LRP1: variants seen among roughly 807,000 people sequenced by gnomAD.
The protein encoded by LRP1 is LDL receptor related protein 1, also known as prolow-density lipoprotein receptor-related protein 1.
LRP1 carries 51 observed loss-of-function variants against 541.5 expected under a neutral mutation model. The observed-to-expected ratio is 0.09, with a 90% confidence interval of 0.08 to 0.12. The LOEUF (loss-of-function observed/expected upper bound fraction) is 0.12. Among genes scored for constraint, LRP1 ranks in the 10% least tolerant of loss-of-function variants. LRP1 has a pLI of 1.00. For synonymous variants in LRP1, 2,219 were observed against 2,470.8 expected (o/e 0.90, Z 3.02); for missense variants, 3,878 against 6,376.2 (o/e 0.61, Z 13.34).
At chr12:57,210,588 C>G (rs1283167126) in intron 82 of LRP1, 108 bp downstream of exon 82, 1 of 1,441,840 alleles carries the variant, frequency 6.9e-7, no homozygotes, top group African/African-American at 1.4e-5. Context: ...CCTCCAGCCT[C>G]CTTTCCACAA....
Position 57,187,271 on chromosome 12 carries a change from G to A in LRP1, c.6846G>A (p.Val2282=). Residue 2282 remains valine, a synonymous_variant, in exon 42 of 89, where the codon GTG becomes GTA. Transcript: ENST00000243077. ...GCTGCTCCTGTCTCTTCACAGACGT[G>A]GGCTCCGTGGAAGGCCTGGCCTATC... is the stretch of plus-strand genomic sequence containing the variant. ...GSRRITIVEN[V]GSVEGLAYHR... The A allele has an allele frequency of 6.2e-7, 1 of 1,612,424 alleles. No homozygotes were observed. Among genetic ancestry groups the A allele is most frequent in the Non-Finnish European group, 8.5e-7 (1 of 1,179,024 alleles).
intron 1 of LRP1, among the ~76,000 whole-genome samples, chr12:57,136,807 G>T (rs531738273): frequency 6.6e-6 from 1 of 152,322 alleles, no homozygotes; most frequent in African/African-American, 2.4e-5. Context: ...CCCTGGCCAA[G>T]TCACCTGGCT....
Position 57,194,909 on chromosome 12 carries a change from C to T in LRP1, c.8192-76C>T, listed in dbSNP as rs1205363137. On this transcript the variant is annotated intron_variant, in intron 50 of 88. Transcript: ENST00000243077. ...GGGTGCTGTGGGCATCTCTCCTGTC[C>T]TTCCCATGGCATCAGCCTCCCCAGG... is the stretch of plus-strand genomic sequence containing the variant. The T allele has an allele frequency of 1.0e-5, 13 of 1,299,528 alleles. No individual in the cohort carries two copies. In the Middle Eastern group the frequency reaches 7.3e-4, roughly 73 times the overall value. 80.5% of individuals were successfully genotyped at this position (1,299,528 alleles called of 1,614,324 possible).
chr12:57,163,002 G>T lies in LRP1; in HGVS notation c.2530+19G>T. 1 of 1,589,718 alleles carries T rather than the reference G, an allele frequency of 6.3e-7. No homozygotes were observed. The highest frequency in any genetic ancestry group is 1.8e-5 in the Admixed American group (1 of 56,924). On this transcript the variant is annotated intron_variant, in intron 15 of 88. Transcript: ENST00000243077. ...TGCTTGGGTATGAGGTGCCTGGCTG[G>T]GTGGGAGTGGGAAGCAGACCCCATC...
intron 6 of LRP1, among the ~76,000 whole-genome samples, chr12:57,152,356 A>C (rs2035542598): frequency 6.6e-6 from 1 of 152,088 alleles, no homozygotes; most frequent in Non-Finnish European, 1.5e-5. Context: ...GATGAAGTTC[A>C]TACACATGCC....
At chr12:57,192,814 C>T (rs763218271) in intron 44 of LRP1, 31 bp from the exon 45 acceptor site, 14 of 1,613,814 alleles carry the variant, frequency 8.7e-6, no homozygotes, top group Non-Finnish European at 1.2e-5. Flanking sequence ...AGAACACTCT[C>T]CAGCCCTGCG....
chr12:57,157,158 T>C (rs2136677323), intron 10 of LRP1, among the ~76,000 whole-genome samples: 1 of 152,366 alleles, frequency 6.6e-6, no homozygotes, highest in African/African-American at 2.4e-5. Context: ...AAGTGTCTAG[T>C]GAGCAGTGAG....
chr12:57,207,646 G>A (rs2036813800), intron 76 of LRP1, among the ~76,000 whole-genome samples: 1 of 152,246 alleles, frequency 6.6e-6, no homozygotes, highest in South Asian at 2.1e-4. Context: ...GGAAGACAGA[G>A]CAGTGGGAAT....
rs1350359044 is a variant in LRP1 at position 57,197,232 on chromosome 12, C to G, written c.9076+67C>G. On this transcript the variant is annotated intron_variant, in intron 56 of 88. Coordinates refer to ENST00000243077, the MANE Select transcript of LRP1 (RefSeq NM_002332.3). The surrounding 1 kb of genome is among the most constrained non-coding windows in gnomAD (Gnocchi z 4.5). ...GTGGGACTGCCCGGGTGGCAGAGCTCCAGACAGGCAGGAGACCAGGGCCGC... is the reference window on the plus strand; with the variant it reads ...GTGGGACTGCCCGGGTGGCAGAGCTGCAGACAGGCAGGAGACCAGGGCCGC... 3 of 1,612,716 alleles carry G rather than the reference C, an allele frequency of 1.9e-6. No individual in the cohort carries two copies. Among genetic ancestry groups the G allele is most frequent in the Non-Finnish European group, 2.5e-6 (3 of 1,178,882 alleles).
chr12:57,145,672 C>T (rs1383927567), intron 6 of LRP1, among the ~76,000 whole-genome samples, 182 bp downstream of exon 6: 1 of 152,164 alleles, frequency 6.6e-6, no homozygotes, highest in Non-Finnish European at 1.5e-5. Flanking sequence ...ACGCTCCCTC[C>T]CAGCTCTCTG....
rs1318003221 is a variant in LRP1 at position 57,183,784 on chromosome 12, C to T, written c.5804C>T (p.Thr1935Ile). 2.5e-6 allele frequency: 4 copies of T among 1,613,960 alleles called. No individual in the cohort carries two copies. Among genetic ancestry groups the T allele is most frequent in the Non-Finnish European group, 3.4e-6 (4 of 1,180,046 alleles). ...VGIDFHAEND[T>I]IYWVDMGLST... ...CCTCCTCCACCTCCAGAAAATGACA[C>T]CATCTACTGGGTGGACATGGGCCTG... Residue 1935 changes from threonine to isoleucine, a missense_variant, in exon 36 of 89, where the codon ACC (threonine) becomes ATC (isoleucine). By Grantham distance (89) the Thr-to-Ile change is moderately conservative. This residue lies in a region of LRP1 where 394 missense variants were observed against 635.9 expected (regional missense o/e 0.62). Coordinates refer to ENST00000243077, the MANE Select transcript of LRP1 (RefSeq NM_002332.3). This position sits in a 1 kb window ranked among gnomAD's most constrained non-coding sequence, Gnocchi z 6.1.
intron 61 of LRP1, 76 bp downstream of exon 61, chr12:57,199,476 T>A: frequency 6.8e-7 from 1 of 1,480,692 alleles, no homozygotes; most frequent in Non-Finnish European, 9.2e-7. Flanking sequence ...GCTCATCCCT[T>A]CTCTAGCATT....
Position 57,165,615 on chromosome 12 carries a change from C to T in LRP1, c.2531-190C>T. 1.7e-6 allele frequency: 1 copy of T among 602,836 alleles called. No homozygotes were observed. Among genetic ancestry groups the T allele is most frequent in the Admixed American group, 3.0e-5 (1 of 33,696 alleles). The allele number at this position is 602,836 out of a possible 1,614,324, so 37.3% of individuals were successfully genotyped here. On this transcript the variant is annotated intron_variant, in intron 15 of 88. Coordinates refer to ENST00000243077, the MANE Select transcript of LRP1 (RefSeq NM_002332.3). This position sits in a 1 kb window ranked among gnomAD's most constrained non-coding sequence, Gnocchi z 4.5. Reference sequence around the variant, plus strand: ...AGTAAGCATTAAGTAGAGTAAACATCACTATTGTTGCTTGGGAAAGAATTG... The same window carrying T: ...AGTAAGCATTAAGTAGAGTAAACATTACTATTGTTGCTTGGGAAAGAATTG...
At position 57,183,768 on chromosome 12, in the gene LRP1, C is replaced by T. The variant is rs1341365301; in HGVS notation, c.5795-7C>T. 10 of 1,613,818 alleles carry T rather than the reference C, an allele frequency of 6.2e-6. No homozygotes were observed. Among genetic ancestry groups the T allele is most frequent in the Non-Finnish European group, 8.5e-6 (10 of 1,180,038 alleles). ...GGGCATCCCCATGTCACCTCCTCCA[C>T]CTCCAGAAAATGACACCATCTACTG... On this transcript the variant is annotated splice_region_variant and splice_polypyrimidine_tract_variant and intron_variant, in intron 35 of 88. Coordinates refer to ENST00000243077, the MANE Select transcript of LRP1 (RefSeq NM_002332.3). The surrounding 1 kb of genome is among the most constrained non-coding windows in gnomAD (Gnocchi z 6.1).
At chr12:57,130,305 C>T (rs2035011796) in intron 1 of LRP1, among the ~76,000 whole-genome samples, 1 of 152,158 alleles carries the variant, frequency 6.6e-6, no homozygotes. Context: ...ATCTCCCTCC[C>T]TCTCCCTAAC....
Position 57,184,531 on chromosome 12 carries a change from G to T in LRP1, c.6186+79G>T. 1 of 1,576,252 alleles carries T rather than the reference G, an allele frequency of 6.3e-7. No homozygotes were observed. Among genetic ancestry groups the T allele is most frequent in the Non-Finnish European group, 8.6e-7 (1 of 1,160,730 alleles). On this transcript the variant is annotated intron_variant, in intron 38 of 88. Transcript: ENST00000243077. This position sits in a 1 kb window ranked among gnomAD's most constrained non-coding sequence, Gnocchi z 7.8. ...CTGTTCCCTGTGATGAGCCCATTCTGGGAGGACTTGGAGCCCAGGGGAAGT... is the reference window on the plus strand; with the variant it reads ...CTGTTCCCTGTGATGAGCCCATTCTTGGAGGACTTGGAGCCCAGGGGAAGT...
At chr12:57,208,660 G>A in intron 77 of LRP1, 51 bp from the exon 78 acceptor site, 3 of 1,193,330 alleles carry the variant, frequency 2.5e-6, no homozygotes, top group Non-Finnish European at 3.7e-6. Flanking sequence ...GCCTGGGCCT[G>A]CCTCCTCTGG....
intron 32 of LRP1, 82 bp downstream of exon 32, chr12:57,180,561 GTC>G: frequency 6.2e-7 from 1 of 1,607,624 alleles, no homozygotes; most frequent in Non-Finnish European, 8.5e-7. Flanking sequence ...GCTTGGGGCA[GTC>G]TCTCACCATG....
At chr12:57,180,303 C>T (rs750335859) in intron 31 of LRP1, 27 bp from the exon 32 acceptor site, 58 of 1,612,580 alleles carry the variant, frequency 3.6e-5, no homozygotes, top group Non-Finnish European at 4.6e-5. Flanking sequence ...GGGCCAGACT[C>T]CCCGGCAGTG....
Sources: allele counts gnomAD v4.1 joint callset (sites outside exome capture counted in the v4.1 genomes callset), GRCh38; gene constraint gnomAD v4.1.1; regional missense constraint gnomAD v4.1.1; non-coding constraint Gnocchi (gnomAD v3.1); transcripts MANE v1.5; gene names NCBI Gene and HGNC (gene_info 2026-07-23, HGNC 2026-07-21).